SLC9B1: variants seen among roughly 807,000 people sequenced by gnomAD.
SLC9B1 encodes solute carrier family 9 member B1.
A neutral mutation model predicts 51.7 loss-of-function variants in SLC9B1; 32 were observed. The ratio of observed to expected loss-of-function variants is 0.62; its 90% CI spans 0.47 to 0.83. The LOEUF (loss-of-function observed/expected upper bound fraction) is 0.83. Ranked by LOEUF, SLC9B1 falls within the 40% of genes least tolerant of loss-of-function variation. SLC9B1 has a pLI of 0.00. For missense variants in SLC9B1, 406 were observed against 613.2 expected (o/e 0.66, Z 3.57); for synonymous variants, 145 against 212.7 (o/e 0.68, Z 2.77).
At chr4:103,003,514 T>C (rs1740630512) in intron 1 of SLC9B1, among the ~76,000 whole-genome samples, 1 of 152,218 alleles carries the variant, frequency 6.6e-6, no homozygotes, top group Non-Finnish European at 1.5e-5. Context: ...GTTGCTTCAT[T>C]GTTGCACATT....
At chr4:103,014,014 G>A (rs1741201874) in intron 1 of SLC9B1, among the ~76,000 whole-genome samples, 1 of 152,090 alleles carries the variant, frequency 6.6e-6, no homozygotes, top group Non-Finnish European at 1.5e-5. Flanking sequence ...ATGTAAGCTT[G>A]ATTATGGCAA....
intron 1 of SLC9B1, among the ~76,000 whole-genome samples, chr4:102,998,475 A>G (rs548143876): frequency 8.5e-5 from 13 of 152,320 alleles, no homozygotes; most frequent in East Asian, 3.9e-4. Flanking sequence ...TAATGCTGCT[A>G]TGAAAATAGG....
intron 6 of SLC9B1, 24 bp downstream of exon 6, chr4:102,945,169 A>C (rs377402654): frequency 6.5e-7 from 1 of 1,543,004 alleles, no homozygotes; most frequent in African/African-American, 1.4e-5. Flanking sequence ...ATATTTTCAT[A>C]AGAAAAAATG....
chr4:102,977,020 T>C (rs1322522410), intron 3 of SLC9B1, among the ~76,000 whole-genome samples: 1 of 151,950 alleles, frequency 6.6e-6, no homozygotes, highest in Non-Finnish European at 1.5e-5. Context: ...TATGGTGACA[T>C]GTGCCTGCAG....
At chr4:102,999,803 C>T (rs547615669) in intron 1 of SLC9B1, among the ~76,000 whole-genome samples, 1 of 152,296 alleles carries the variant, frequency 6.6e-6, no homozygotes, top group African/African-American at 2.4e-5. Flanking sequence ...TCACTTGATT[C>T]CTCCCATATC....
At chr4:103,018,199 G>A (rs560078658) in intron 1 of SLC9B1, among the ~76,000 whole-genome samples, 4 of 152,250 alleles carry the variant, frequency 2.6e-5, no homozygotes, top group African/African-American at 9.6e-5. Context: ...CTATAAAAAC[G>A]ATACTTTATA....
chr4:102,954,744 A>G (rs1292556204), intron 3 of SLC9B1, among the ~76,000 whole-genome samples: 1 of 152,188 alleles, frequency 6.6e-6, no homozygotes, highest in Non-Finnish European at 1.5e-5. Context: ...AATATGACAT[A>G]GAACCAAAAA....
chr4:102,948,784 G>T (rs1375903298), intron 4 of SLC9B1, among the ~76,000 whole-genome samples: 3 of 152,122 alleles, frequency 2.0e-5, no homozygotes, highest in African/African-American at 7.2e-5. Flanking sequence ...TGGACCTAAA[G>T]ATGGAAATAA....
At chr4:102,974,142 C>A (rs1250660115) in intron 3 of SLC9B1, among the ~76,000 whole-genome samples, 1 of 145,154 alleles carries the variant, frequency 6.9e-6, no homozygotes, top group Non-Finnish European at 1.5e-5. Flanking sequence ...GAGGCTGAGG[C>A]AGAAGAATTG....
At chr4:102,911,813 TC>T (rs139211185) in intron 7 of SLC9B1, among the ~76,000 whole-genome samples, 2,530 of 152,024 alleles carry the variant, frequency 0.017, 68 homozygotes, top group African/African-American at 0.055. Context: ...CACAAGATGC[TC>T]CCCTTACATA....
At chr4:102,947,132 G>A (rs1289898664) in intron 4 of SLC9B1, among the ~76,000 whole-genome samples, 3 of 152,146 alleles carry the variant, frequency 2.0e-5, no homozygotes, top group African/African-American at 7.2e-5. Flanking sequence ...TGAGTCTTGC[G>A]TTTTTTATGT....
chr4:102,985,202 A>T (rs924854189), intron 3 of SLC9B1, among the ~76,000 whole-genome samples: 1 of 152,184 alleles, frequency 6.6e-6, no homozygotes, highest in Non-Finnish European at 1.5e-5. Flanking sequence ...CTTAATCAAT[A>T]TGTATCTTGT....
At chr4:102,900,254 T>C, downstream of SLC9B1, among the ~76,000 whole-genome samples, 1 of 152,194 alleles carries the variant, frequency 6.6e-6, no homozygotes, top group South Asian at 2.1e-4. Context: ...ATAAAGAGTC[T>C]TGAAGTTAAT....
chr4:103,011,023 C>G (rs1741063349), intron 1 of SLC9B1, among the ~76,000 whole-genome samples: 2 of 152,210 alleles, frequency 1.3e-5, no homozygotes, highest in Non-Finnish European at 2.9e-5. Flanking sequence ...TCCAGAGTCT[C>G]ATCTAAATCA....
intron 3 of SLC9B1, among the ~76,000 whole-genome samples, chr4:102,956,664 C>T (rs1253480336): frequency 6.6e-6 from 1 of 152,134 alleles, no homozygotes; most frequent in Non-Finnish European, 1.5e-5. Context: ...TGCTGAAAAC[C>T]ACTGGGCAGA....
intron 1 of SLC9B1, among the ~76,000 whole-genome samples, chr4:102,996,842 A>G (rs1055073467): frequency 1.4e-4 from 21 of 151,936 alleles, no homozygotes; most frequent in Non-Finnish European, 2.4e-4. Context: ...GCTGGAGTGC[A>G]GTGACACAAT....
At chr4:102,971,571 G>T (rs1430144793) in intron 3 of SLC9B1, among the ~76,000 whole-genome samples, 1 of 151,968 alleles carries the variant, frequency 6.6e-6, no homozygotes, top group African/African-American at 2.4e-5. Context: ...ACATCACAAT[G>T]AAAAGAACTA....
At chr4:103,008,062 T>C (rs778844843) in intron 1 of SLC9B1, among the ~76,000 whole-genome samples, 1 of 152,208 alleles carries the variant, frequency 6.6e-6, no homozygotes, top group Non-Finnish European at 1.5e-5. Flanking sequence ...ATCAGCTCAG[T>C]TTAAAAAATT....
At chr4:103,001,578 A>G (rs945706432) in intron 1 of SLC9B1, among the ~76,000 whole-genome samples, 3 of 152,178 alleles carry the variant, frequency 2.0e-5, no homozygotes, top group African/African-American at 7.2e-5. Context: ...AGTTCCAATA[A>G]GCTCCCATCT....
Sources: gnomAD v4.1 joint callset for allele counts (sites outside exome capture counted in the v4.1 genomes callset) on GRCh38, gnomAD v4.1.1 for gene constraint, MANE v1.5 for transcripts, NCBI Gene and HGNC (gene_info 2026-07-23, HGNC 2026-07-21) for gene names.